The following THOC2 variants were observed in gnomAD, a reference collection of about 807,000 sequenced individuals.
THOC2 encodes THO complex 2.
In THOC2, 10 loss-of-function variants were observed where a neutral mutation model predicts 128.4. That is an observed-to-expected ratio of 0.08 (90% CI 0.05 to 0.13). The LOEUF is 0.13. Among genes scored for constraint, THOC2 ranks in the 10% least tolerant of loss-of-function variants. The probability of loss-of-function intolerance (pLI) is 1.00; values close to 1 mark genes in which losing one functional copy is unlikely to be tolerated. For missense variants in THOC2, 535 were observed against 1,155.7 expected, an observed-to-expected ratio of 0.46 and a Z score of 7.79; for synonymous variants, 393 against 396.9, an observed-to-expected ratio of 0.99 and a Z score of 0.12.
intron 8 of THOC2, among the ~76,000 whole-genome samples, chrX:123,681,162 T>C (rs1261905912): frequency 6.2e-5 from 7 of 112,026 alleles, no homozygotes; most frequent in Non-Finnish European, 1.3e-4. Context: ...AAGGGACAAC[T>C]CTTCTTTATT....
intron 22 of THOC2, among the ~76,000 whole-genome samples, chrX:123,631,182 T>C (rs767651889): frequency 1.8e-5 from 2 of 111,761 alleles, no homozygotes; most frequent in Admixed American, 9.5e-5. Flanking sequence ...CTCCCACCTC[T>C]GTCTGTCAAG....
At position 123,633,346 on chromosome X, in the gene THOC2, A is replaced by C. The variant is rs138650189; in HGVS notation, c.2137-306T>G. 5.7e-3 allele frequency among the ~76,000 whole-genome samples: 643 copies of C among 112,135 alleles called. 4 individuals are homozygous for C. Among genetic ancestry groups the C allele is most frequent in the African/African-American group, 0.02 (615 of 30,837 alleles). ...AGAGCAACTAAGACTTAAGGGAGTG[A>C]GGATATCAAGGATCATAGAAGATAT... On this transcript the variant is annotated intron_variant, in intron 20 of 38. Transcript: ENST00000245838.
chrX:123,675,442 A>T (rs1199722826), intron 8 of THOC2, among the ~76,000 whole-genome samples: 1 of 110,732 alleles, frequency 9.0e-6, no homozygotes, highest in Non-Finnish European at 1.9e-5. Flanking sequence ...GGAGTTTGAA[A>T]CCAGCCTGGC....
intron 7 of THOC2, among the ~76,000 whole-genome samples, chrX:123,689,858 T>C (rs2050146810): frequency 8.9e-6 from 1 of 111,899 alleles, no homozygotes; most frequent in Admixed American, 9.6e-5. Flanking sequence ...TAAGCAGTCT[T>C]GTATGCAAAC....
In THOC2 at chrX:123,661,236, C is replaced by G. The variant is rs774501710; in HGVS notation, c.1386+4406G>C. Among the ~76,000 whole-genome samples the G allele has an allele frequency of 1.2e-4, 13 of 111,396 alleles. No individual in the cohort carries two copies. The South Asian group carries it at 4.6e-3, about 39-fold the overall frequency. ...CGTAGCAAACATGGTGAAACCCTGT[C>G]TTTACTAAAAATACAAACATCAGTT... On this transcript the variant is annotated intron_variant, in intron 12 of 38. Coordinates refer to ENST00000245838, the MANE Select transcript of THOC2 (RefSeq NM_001081550.2).
chrX:123,643,956 A>G (rs891748838), intron 15 of THOC2, among the ~76,000 whole-genome samples: 2 of 112,476 alleles, frequency 1.8e-5, no homozygotes, highest in Non-Finnish European at 3.8e-5. Flanking sequence ...CGTTGAAAAC[A>G]CTTGCAATAC....
chrX:123,636,033 A>G (rs762551047), intron 19 of THOC2, 46 bp downstream of exon 19: 2 of 1,071,602 alleles, frequency 1.9e-6, no homozygotes, highest in East Asian at 3.0e-5. Context: ...CCAAACCACC[A>G]AAAGTACTCT....
intron 33 of THOC2, among the ~76,000 whole-genome samples, chrX:123,616,585 G>C (rs139010373): frequency 9.1e-6 from 1 of 110,407 alleles, no homozygotes; most frequent in East Asian, 2.8e-4. Flanking sequence ...TTAAGATGGT[G>C]AACAAATTGA....
chrX:123,655,026 G>A (rs191440148), intron 12 of THOC2, among the ~76,000 whole-genome samples: 26 of 110,514 alleles, frequency 2.4e-4, no homozygotes, highest in East Asian at 1.4e-3. Context: ...TCTATTTTTC[G>A]TATCCCTGCC....
chrX:123,703,890 TAAAAAAAAAA>T (rs774877149), intron 3 of THOC2, among the ~76,000 whole-genome samples: 1 of 37,029 alleles, frequency 2.7e-5, no homozygotes. Flanking sequence ...ACTCTGTCTT[TAAAAAAAAAA>T]AAAAAAAAAA....
intron 2 of THOC2, among the ~76,000 whole-genome samples, chrX:123,709,122 G>A (rs1569443193): frequency 8.9e-6 from 1 of 112,509 alleles, no homozygotes; most frequent in Non-Finnish European, 1.9e-5. Flanking sequence ...AGAACTGTAA[G>A]TGGTGGTTTA....
chrX:123,682,482 T>C (rs750401760), intron 8 of THOC2, among the ~76,000 whole-genome samples: 1 of 111,985 alleles, frequency 8.9e-6, no homozygotes, highest in South Asian at 3.7e-4. Context: ...GCTCACACCT[T>C]AGAGCCATTG....
At chrX:123,654,909 C>T (rs1229010017) in intron 12 of THOC2, among the ~76,000 whole-genome samples, 4 of 109,305 alleles carry the variant, frequency 3.7e-5, no homozygotes, top group African/African-American at 1.3e-4. Context: ...ACAGGACACA[C>T]AAAAAATATA....
chrX:123,627,639 T>TA lies in THOC2; in HGVS notation c.2757+53dup. On this transcript the variant is annotated intron_variant, in intron 23 of 38. Coordinates refer to ENST00000245838, the MANE Select transcript of THOC2 (RefSeq NM_001081550.2). ...AGCTAAAACAATTTCAAAATATAGG[T>TA]AACATTGAATACCATAAAGTTATTG... 2.7e-6 allele frequency: 3 copies of TA among 1,105,635 alleles called. No homozygotes were observed. The East Asian group carries it at 9.0e-5, about 33-fold the overall frequency. The allele number at this position is 1,105,635 out of a possible 1,213,427, so 91.1% of individuals were successfully genotyped here.
At chrX:123,681,466 C>T (rs2049779531) in intron 8 of THOC2, among the ~76,000 whole-genome samples, 1 of 111,770 alleles carries the variant, frequency 8.9e-6, no homozygotes, top group East Asian at 2.8e-4. Flanking sequence ...TTAGATGTTA[C>T]ATAATCTATG....
intron 32 of THOC2, chrX:123,620,513 G>T (rs2047045075): frequency 8.2e-6 from 1 of 122,651 alleles, no homozygotes; most frequent in African/African-American, 3.2e-5. Flanking sequence ...TGTTTATCTT[G>T]TGTCATCCAG....
At chrX:123,663,434 A>G (rs1464658464) in intron 12 of THOC2, among the ~76,000 whole-genome samples, 2 of 111,165 alleles carry the variant, frequency 1.8e-5, no homozygotes, top group Non-Finnish European at 3.8e-5. Flanking sequence ...GGGAACTTCT[A>G]TATCATGATT....
intron 1 of THOC2, among the ~76,000 whole-genome samples, chrX:123,731,815 C>A (rs1384569046): frequency 1.8e-5 from 2 of 111,256 alleles, no homozygotes; most frequent in Admixed American, 9.6e-5. Flanking sequence ...ACGCGTTCCT[C>A]GTGTTTCGTT....
At chrX:123,715,784 C>CAAA (rs765556592) in intron 1 of THOC2, among the ~76,000 whole-genome samples, 1 of 38,123 alleles carries the variant, frequency 2.6e-5, no homozygotes, top group African/African-American at 9.0e-5. Flanking sequence ...GACCTTGTCT[C>CAAA]AAAAAAAAAA....
Sources: gnomAD v4.1 joint callset for allele counts (sites outside exome capture counted in the v4.1 genomes callset) on GRCh38, gnomAD v4.1.1 for gene constraint, MANE v1.5 for transcripts, NCBI Gene and HGNC (gene_info 2026-07-23, HGNC 2026-07-21) for gene names.